The following DNAJB13 variants were observed in gnomAD, a reference collection of about 807,000 sequenced individuals.
DNAJB13 encodes the protein dnaJ homolog subfamily B member 13.
Under a neutral mutation model 35.6 loss-of-function variants are expected in DNAJB13, and 22 were observed. The observed-to-expected ratio is 0.62, with a 90% CI of 0.44 to 0.88. The LOEUF (loss-of-function observed/expected upper bound fraction) is 0.88. Among genes scored for constraint, DNAJB13 ranks in the 40% least tolerant of loss-of-function variants. DNAJB13 has a pLI of 0.00. For synonymous variants in DNAJB13, 136 were observed against 144.2 expected (o/e 0.94, Z 0.41); for missense variants, 370 against 384.3 (o/e 0.96, Z 0.31).
intron 1 of DNAJB13, among the ~76,000 whole-genome samples, chr11:73,953,910 C>T (rs1240888126): frequency 6.6e-6 from 1 of 151,044 alleles, no homozygotes; most frequent in Admixed American, 6.6e-5. Context: ...ATGGCGTGAA[C>T]CCGGGAGGTG....
intron 3 of DNAJB13, among the ~76,000 whole-genome samples, chr11:73,960,622 G>A (rs552168116): frequency 6.6e-5 from 10 of 151,874 alleles, no homozygotes; most frequent in Admixed American, 3.9e-4. Flanking sequence ...GTGTCTGGCC[G>A]AGCCCTCCAT....
At chr11:73,955,406 T>A (rs1341916648) in intron 1 of DNAJB13, among the ~76,000 whole-genome samples, 1 of 151,892 alleles carries the variant, frequency 6.6e-6, no homozygotes, top group Admixed American at 6.6e-5. Flanking sequence ...CCTTCTAGGT[T>A]CAAGTGATTC....
rs3222042 is a variant in DNAJB13, at chr11:73,964,765, CTGTGTG to C, written c.335-70_335-65del. 0.074 allele frequency: 48,500 copies of C among 653,306 alleles called. 916 individuals are homozygous for C. The highest frequency in any genetic ancestry group is 0.095 in the Middle Eastern group (205 of 2,152). 40.5% of individuals were successfully genotyped at this position (653,306 alleles called of 1,614,324 possible). On this transcript the variant is annotated intron_variant, in intron 3 of 7. Transcript: ENST00000339764. ...TGGGGAGCATATCTGGATAGGGAGG[CTGTGTG>C]TGTGTGTGTGTGTGTGTGTGTGTGT...
intron 4 of DNAJB13, chr11:73,965,523 C>T (rs566322617): frequency 3.1e-5 from 5 of 162,618 alleles, no homozygotes; most frequent in African/African-American, 1.2e-4. Context: ...TTGGCTTGGC[C>T]CTGTCCCATG....
intron 5 of DNAJB13, among the ~76,000 whole-genome samples, chr11:73,967,446 A>G (rs1460790851): frequency 6.6e-6 from 1 of 152,190 alleles, no homozygotes; most frequent in Admixed American, 6.5e-5. Context: ...TTTCTCACCT[A>G]TGAAACATCT....
chr11:73,954,837 G>C (rs1007533397), intron 1 of DNAJB13, among the ~76,000 whole-genome samples: 2 of 151,970 alleles, frequency 1.3e-5, no homozygotes, highest in African/African-American at 4.8e-5. Flanking sequence ...TGTAATCCCA[G>C]CTACGCGGGA....
At chr11:73,960,709 C>T (rs1460753847) in intron 3 of DNAJB13, among the ~76,000 whole-genome samples, 1 of 152,116 alleles carries the variant, frequency 6.6e-6, no homozygotes, top group Non-Finnish European at 1.5e-5. Context: ...ACTTGCCATG[C>T]TTGTATGAGC....
chr11:73,967,899 C>T (rs992266411), intron 5 of DNAJB13: 1 of 230,980 alleles, frequency 4.3e-6, no homozygotes. Context: ...TGAGGATTCA[C>T]TGTCAGTGTT....
chr11:73,966,124 A>G lies in DNAJB13; in HGVS notation c.493-14A>G. 1 of 1,607,946 alleles carries G rather than the reference A, an allele frequency of 6.2e-7. No homozygotes were observed. The highest frequency in any genetic ancestry group is 8.5e-7 in the Non-Finnish European group (1 of 1,177,020). ...TCCTAAGCAGACCTCCCCACACCTG[A>G]TATGTTGCTATAGGTGCTGAACGAG... On this transcript the variant is annotated splice_polypyrimidine_tract_variant and intron_variant, in intron 4 of 7. Transcript: ENST00000339764.
intron 1 of DNAJB13, among the ~76,000 whole-genome samples, chr11:73,953,343 G>A (rs966622574): frequency 4.6e-5 from 7 of 152,134 alleles, no homozygotes; most frequent in Non-Finnish European, 7.4e-5. Flanking sequence ...AGGACGAGCC[G>A]CAGAAAAAAC....
chr11:73,956,869 T>C (rs1565169266), intron 1 of DNAJB13, among the ~76,000 whole-genome samples: 1 of 150,158 alleles, frequency 6.7e-6, no homozygotes, highest in African/African-American at 2.5e-5. Flanking sequence ...GGAGAGGAGA[T>C]GGCAAGTAGG....
intron 5 of DNAJB13, 102 bp from the exon 6 acceptor site, chr11:73,968,243 C>G (rs1951176789): frequency 9.9e-7 from 1 of 1,013,786 alleles, no homozygotes; most frequent in African/African-American, 1.6e-5. Flanking sequence ...GCTCTCATCT[C>G]CCCATTGTAC....
intron 1 of DNAJB13, among the ~76,000 whole-genome samples, chr11:73,957,597 G>T (rs971929537): frequency 5.3e-5 from 8 of 152,106 alleles, no homozygotes; most frequent in Admixed American, 5.2e-4. Context: ...TTAACCACCC[G>T]TTGAAGTCAA....
In DNAJB13 at chr11:73,959,513, C is replaced by T. The variant is rs368613359; in HGVS notation, c.192C>T (p.Tyr64=). The T allele has an allele frequency of 1.1e-4, 184 of 1,613,704 alleles. No individual in the cohort carries two copies. The highest frequency in any genetic ancestry group is 1.4e-4 in the Non-Finnish European group (166 of 1,179,832). The change falls in exon 3 of 8, where the codon TAC becomes TAT. Residue 64 remains tyrosine (Y), a synonymous_variant. Coordinates refer to ENST00000339764, the MANE Select transcript of DNAJB13 (RefSeq NM_153614.4). Reference sequence around the variant, plus strand: ...CCACAGCCATGAAGAGAGGCATCTACGACAAGTTTGGAGAAGAGGGCCTGA... The same window carrying T: ...CCACAGCCATGAAGAGAGGCATCTATGACAAGTTTGGAGAAGAGGGCCTGA... The part of the protein sequence containing the change: ...VLSDPMKRGI[Y]DKFGEEGLKG...
intron 1 of DNAJB13, among the ~76,000 whole-genome samples, chr11:73,955,984 C>G (rs549881721): frequency 7.7e-6 from 1 of 129,326 alleles, no homozygotes; most frequent in African/African-American, 3.2e-5. Context: ...GCTTCCTGTC[C>G]GCAGTAAGAG....
At chr11:73,951,446 G>A (rs1384487668) in intron 1 of DNAJB13, among the ~76,000 whole-genome samples, 1 of 152,154 alleles carries the variant, frequency 6.6e-6, no homozygotes, top group African/African-American at 2.4e-5. Context: ...ACTTTATCTT[G>A]AATATTATGG....
intron 3 of DNAJB13, among the ~76,000 whole-genome samples, chr11:73,962,818 A>C (rs557292429): frequency 1.3e-5 from 2 of 152,288 alleles, no homozygotes; most frequent in East Asian, 1.9e-4. Context: ...CTGCCAGAAG[A>C]AGCTGAGTTT....
intron 7 of DNAJB13, among the ~76,000 whole-genome samples, chr11:73,969,652 G>C (rs1951223369): frequency 6.6e-6 from 1 of 152,214 alleles, no homozygotes. Flanking sequence ...TTCCAAGAAA[G>C]GCCCTCTGCC....
At chr11:73,966,411 T>G (rs1318737756) in intron 5 of DNAJB13, among the ~76,000 whole-genome samples, 160 bp downstream of exon 5, 4 of 152,142 alleles carry the variant, frequency 2.6e-5, no homozygotes, top group African/African-American at 9.7e-5. Flanking sequence ...GGATCCCTAA[T>G]GTTCCTTCCA....
Sources: allele counts gnomAD v4.1 joint callset (sites outside exome capture counted in the v4.1 genomes callset), GRCh38; gene constraint gnomAD v4.1.1; transcripts MANE v1.5; gene names NCBI Gene and HGNC (gene_info 2026-07-23, HGNC 2026-07-21).